PDE4A: variants seen among roughly 807,000 people sequenced by gnomAD.
PDE4A encodes phosphodiesterase 4A, also known as 3',5'-cyclic-AMP phosphodiesterase 4A.
In PDE4A, 21 loss-of-function variants were observed where a neutral mutation model predicts 73.9. That is an observed-to-expected ratio of 0.28 (90% confidence interval 0.20 to 0.41). The LOEUF (loss-of-function observed/expected upper bound fraction) is 0.41. PDE4A is among the 10% of genes least tolerant of loss of function. PDE4A has a pLI of 1.00. For missense variants in PDE4A, 958 were observed against 1,211.4 expected (o/e 0.79, Z 3.10); for synonymous variants, 463 against 505.4 (o/e 0.92, Z 1.13).
chr19:10,460,037 C>T (rs1426937434), intron 10 of PDE4A, among the ~76,000 whole-genome samples: 3 of 152,048 alleles, frequency 2.0e-5, no homozygotes, highest in South Asian at 2.1e-4. Context: ...CCCACCACCA[C>T]GCCTGGCTAA....
At position 10,420,673 on chromosome 19, in the gene PDE4A, C is replaced by T; in HGVS notation, c.-92C>T. The T allele has an allele frequency of 7.3e-7, 1 of 1,368,898 alleles. No homozygotes were observed. The highest frequency in any genetic ancestry group is 9.3e-7 in the Non-Finnish European group (1 of 1,069,550). The allele number at this position is 1,368,898 out of a possible 1,614,324, so 84.8% of individuals were successfully genotyped here. On this transcript the variant is annotated 5_prime_UTR_variant, in exon 1 of 15. Coordinates refer to ENST00000380702, the MANE Select transcript of PDE4A (RefSeq NM_001111307.2). The surrounding 1 kb of genome is among the most constrained non-coding windows in gnomAD (Gnocchi z 6.0). ...GCCCTACCGCGGCCGGGCGCACCCG[C>T]GGGGCCCTGGGCTCGCTGGCTTGCG...
upstream of PDE4A, chr19:10,416,976 G>A: frequency 6.5e-7 from 1 of 1,542,180 alleles, no homozygotes; most frequent in Admixed American, 1.9e-5. Flanking sequence ...GTCCGTGGCA[G>A]GGACCGGGGA....
chr19:10,459,482 T>C lies in PDE4A; in HGVS notation c.1184T>C (p.Met395Thr), dbSNP rs533831080. The C allele has an allele frequency of 4.3e-6, 7 of 1,614,006 alleles. No homozygotes were observed. The Admixed American group carries it at 8.3e-5, about 19-fold the overall frequency. Residue 395 changes from methionine to threonine, a missense_variant, in exon 9 of 15, where the codon ATG becomes ACG. Physicochemically the swap from Met to Thr is moderately conservative, Grantham distance 81 (BLOSUM62 -1). Transcript: ENST00000380702. Reference protein sequence around the residue: ...YAGGRSLTCIMYMIFQERDLL... With the variant: ...YAGGRSLTCITYMIFQERDLL... ...GGAGGCCGCTCACTCACCTGCATCA[T>C]GTACATGATATTCCAGGTGATGGGG...
intron 2 of PDE4A, among the ~76,000 whole-genome samples, chr19:10,447,449 T>C (rs918014055): frequency 6.6e-6 from 1 of 150,426 alleles, no homozygotes; most frequent in African/African-American, 2.4e-5. Context: ...ATGGTCTCGA[T>C]CTCCTGACCT....
At position 10,432,185 on chromosome 19, in the gene PDE4A, G is replaced by GC. The variant is rs1555728997; in HGVS notation, c.320+11101_320+11102insC. On this transcript the variant is annotated intron_variant, in intron 1 of 14. Transcript: ENST00000380702. ...CCTAGGAGGGAGGAGACGGGGGGGG[G>GC]GGGGGGAAGTGTGCGTCCGACTCCG... Among the ~76,000 whole-genome samples the GC allele has an allele frequency of 1.4e-5, 2 of 142,422 alleles. 1 individual carries two copies. The highest frequency in any genetic ancestry group is 4.5e-4 in the East Asian group (2 of 4,416). The allele number at this position is 142,422 out of a possible 152,430, so 93.4% of individuals were successfully genotyped here.
At chr19:10,439,827 G>A (rs772281136) in intron 1 of PDE4A, among the ~76,000 whole-genome samples, 3 of 152,076 alleles carry the variant, frequency 2.0e-5, no homozygotes, top group Non-Finnish European at 4.4e-5. Flanking sequence ...GTAAAGGCCA[G>A]TTACAAGTGG....
intron 1 of PDE4A, among the ~76,000 whole-genome samples, chr19:10,428,498 C>T (rs1431405698): frequency 1.3e-5 from 2 of 152,116 alleles, no homozygotes; most frequent in African/African-American, 4.8e-5. Context: ...TCATTATCAT[C>T]ATCATCTATA....
chr19:10,422,628 TG>T (rs1301527466), intron 1 of PDE4A, among the ~76,000 whole-genome samples: 1 of 152,064 alleles, frequency 6.6e-6, no homozygotes, highest in Non-Finnish European at 1.5e-5. Flanking sequence ...TAAGTCTCTT[TG>T]GGGGTCTTCA....
At chr19:10,427,700 C>A in intron 1 of PDE4A, 1 of 947,092 alleles carries the variant, frequency 1.1e-6, no homozygotes, top group Non-Finnish European at 1.3e-6. Flanking sequence ...AGACCCTAGC[C>A]AAGTCACTCC....
chr19:10,457,745 A>G, intron 7 of PDE4A, 134 bp from the exon 8 acceptor site: 4 of 1,458,822 alleles, frequency 2.7e-6, no homozygotes, highest in Non-Finnish European at 3.6e-6. Flanking sequence ...CTGAGTAGCC[A>G]GCGGCATCAC....
intron 4 of PDE4A, 48 bp from the exon 5 acceptor site, chr19:10,450,555 T>C (rs1018963858): frequency 1.3e-6 from 2 of 1,552,938 alleles, no homozygotes; most frequent in African/African-American, 2.7e-5. Flanking sequence ...AGGGACCTGG[T>C]GGGGGGACCC....
At chr19:10,461,493 G>A (rs200372524) in intron 11 of PDE4A, 33 bp from the exon 12 acceptor site, 13 of 1,609,396 alleles carry the variant, frequency 8.1e-6, no homozygotes, top group Non-Finnish European at 1.0e-5. Context: ...CTGCACACGT[G>A]GGCCCTCCCC....
intron 1 of PDE4A, among the ~76,000 whole-genome samples, chr19:10,437,887 C>T (rs979465684): frequency 6.6e-6 from 1 of 150,652 alleles, no homozygotes; most frequent in Non-Finnish European, 1.5e-5. Flanking sequence ...TCACTGCAGT[C>T]TATACCTCCA....
At position 10,461,554 on chromosome 19, in the gene PDE4A, T is replaced by C; in HGVS notation, c.1494T>C (p.Asp498=). The change falls in exon 12 of 15, where the codon GAT becomes GAC. Residue 498 remains aspartate (D), a synonymous_variant. Coordinates refer to ENST00000380702, the MANE Select transcript of PDE4A (RefSeq NM_001111307.2). ...CGGAGCTGGCGCTCATGTACAACGA[T>C]GAGTCGGTGCTCGAGAATCACCACC... is the stretch of plus-strand genomic sequence containing the variant. ...TNSELALMYN[D]ESVLENHHLA... The C allele has an allele frequency of 6.2e-7, 1 of 1,614,094 alleles. No individual in the cohort carries two copies. The highest frequency in any genetic ancestry group is 8.5e-7 in the Non-Finnish European group (1 of 1,180,024).
At chr19:10,420,267 G>A (rs768116539), upstream of PDE4A, 6 of 382,776 alleles carry the variant, frequency 1.6e-5, no homozygotes, top group Non-Finnish European at 1.8e-5. This position sits in a 1 kb window ranked among gnomAD's most constrained non-coding sequence, Gnocchi z 6.0. Flanking sequence ...CGGATTAACC[G>A]TTTAACTCCT....
In PDE4A at chr19:10,453,435, T is replaced by C; in HGVS notation, c.784-1394T>C. The C allele has an allele frequency of 7.5e-7, 1 of 1,334,374 alleles. No individual in the cohort carries two copies. The highest frequency in any genetic ancestry group is 1.0e-6 in the Non-Finnish European group (1 of 994,758). The allele number at this position is 1,334,374 out of a possible 1,614,324, so 82.7% of individuals were successfully genotyped here. A position where few individuals can be genotyped will look rare whatever the true frequency, so the allele number is the denominator to read the frequency against. On this transcript the variant is annotated intron_variant, in intron 6 of 14. Coordinates refer to ENST00000380702, the MANE Select transcript of PDE4A (RefSeq NM_001111307.2). The surrounding 1 kb of genome is among the most constrained non-coding windows in gnomAD (Gnocchi z 4.6). ...ACGTGTGTGGCCTGGAGATGAAGCC[T>C]TGTGACTGTCTCTGTGTGTGGCCCA... is the stretch of plus-strand genomic sequence containing the variant.
intron 1 of PDE4A, among the ~76,000 whole-genome samples, chr19:10,430,128 C>T (rs2042768080): frequency 6.6e-6 from 1 of 151,922 alleles, no homozygotes; most frequent in South Asian, 2.1e-4. Context: ...TTTGGGACAT[C>T]TGAGGAACTG....
At chr19:10,428,977 T>C in intron 1 of PDE4A, 1 of 659,904 alleles carries the variant, frequency 1.5e-6, no homozygotes, top group South Asian at 6.8e-5. Context: ...TTGTGGCACA[T>C]GCCTGTAATC....
intron 1 of PDE4A, among the ~76,000 whole-genome samples, chr19:10,426,503 A>G (rs566045747): frequency 1.3e-5 from 2 of 152,290 alleles, no homozygotes; most frequent in African/African-American, 4.8e-5. Flanking sequence ...AGGGATGCCA[A>G]AAGATTGCAC....
Sources: gnomAD v4.1 joint callset for allele counts (sites outside exome capture counted in the v4.1 genomes callset) on GRCh38, gnomAD v4.1.1 for gene constraint, Gnocchi (gnomAD v3.1) non-coding constraint, MANE v1.5 for transcripts, NCBI Gene and HGNC (gene_info 2026-07-23, HGNC 2026-07-21) for gene names.